Variants in HTR7 observed in about 807,000 individuals in gnomAD.
HTR7 encodes 5-HT-7.
HTR7 carries 16 observed loss-of-function variants against 34.0 expected under a neutral mutation model. The observed-to-expected ratio is 0.47, with a 90% CI of 0.32 to 0.71. The LOEUF is 0.71. Ranked by LOEUF, HTR7 falls within the 30% of genes least tolerant of loss-of-function variation. HTR7 has a pLI of 0.04. For synonymous variants in HTR7, 265 were observed against 260.2 expected (o/e 1.02, Z -0.18); for missense variants, 504 against 625.5 (o/e 0.81, Z 2.07).
intron 1 of HTR7, among the ~76,000 whole-genome samples, chr10:90,800,675 A>C (rs1589455423): frequency 6.6e-6 from 1 of 152,178 alleles, no homozygotes; most frequent in South Asian, 2.1e-4. Flanking sequence ...ATCTTACGTA[A>C]AATGTAGATT....
At chr10:90,785,829 T>A (rs1021941183) in intron 1 of HTR7, among the ~76,000 whole-genome samples, 2 of 152,212 alleles carry the variant, frequency 1.3e-5, no homozygotes, top group African/African-American at 4.8e-5. Flanking sequence ...ATGACAAGAA[T>A]TGGGCCAAGA....
chr10:90,742,308 G>T lies in HTR7; in HGVS notation c.*174C>A. On this transcript the variant is annotated 3_prime_UTR_variant, in exon 4 of 4. Transcript: ENST00000336152. ...TAGCACTGATCCACAGAAAAAAGGAGAAGTCACCATCTCCCTCATAAGATA... is the reference window on the plus strand; with the variant it reads ...TAGCACTGATCCACAGAAAAAAGGATAAGTCACCATCTCCCTCATAAGATA... 1 of 520,768 alleles carries T rather than the reference G, an allele frequency of 1.9e-6. No homozygotes were observed. The highest frequency in any genetic ancestry group is 3.4e-6 in the Non-Finnish European group (1 of 293,658). The allele number at this position is 520,768 out of a possible 1,614,324, so 32.3% of individuals were successfully genotyped here. A position where few individuals can be genotyped will look rare whatever the true frequency, so the allele number is the denominator to read the frequency against.
At chr10:90,787,504 A>C (rs537566919) in intron 1 of HTR7, among the ~76,000 whole-genome samples, 1 of 152,166 alleles carries the variant, frequency 6.6e-6, no homozygotes, top group African/African-American at 2.4e-5. Flanking sequence ...AAAAAATAAA[A>C]ATAAAAAAAA....
intron 1 of HTR7, among the ~76,000 whole-genome samples, chr10:90,829,042 G>A (rs9420571): frequency 0.59 from 89,333 of 152,032 alleles, 27,067 homozygotes; most frequent in African/African-American, 0.76. Context: ...TAAAAAGATC[G>A]TTCATCATGA....
At chr10:90,788,395 T>C (rs138462334) in intron 1 of HTR7, among the ~76,000 whole-genome samples, 82 of 152,288 alleles carry the variant, frequency 5.4e-4, no homozygotes, top group African/African-American at 1.5e-3. Context: ...CACAATACAA[T>C]AGGGATGATC....
intron 1 of HTR7, among the ~76,000 whole-genome samples, chr10:90,780,659 CAG>C (rs1408058067): frequency 6.6e-6 from 1 of 151,694 alleles, no homozygotes; most frequent in African/African-American, 2.4e-5. Flanking sequence ...TGCCAAGAAA[CAG>C]TGAGAGGCAC....
chr10:90,849,898 G>A (rs1362730532), intron 1 of HTR7, among the ~76,000 whole-genome samples: 1 of 152,132 alleles, frequency 6.6e-6, no homozygotes, highest in African/African-American at 2.4e-5. Context: ...AGGACTTCAG[G>A]GAACAAAATC....
At chr10:90,763,076 C>G (rs774134011) in intron 1 of HTR7, among the ~76,000 whole-genome samples, 25 of 152,226 alleles carry the variant, frequency 1.6e-4, no homozygotes, top group African/African-American at 6.0e-4. Flanking sequence ...TGTGATGCCT[C>G]GAGCTTTATT....
Position 90,793,183 on chromosome 10 carries a change from G to A in HTR7, c.540-43589C>T, listed in dbSNP as rs527961529. Among the ~76,000 whole-genome samples the A allele has an allele frequency of 4.6e-5, 7 of 151,956 alleles. 1 individual carries two copies. The highest frequency in any genetic ancestry group is 4.2e-4 in the South Asian group (2 of 4,806). ...AGAATTAATATCCAGAATATATTCC[G>A]GATAAGAACTTCTACAACTCAACAA... On this transcript the variant is annotated intron_variant, in intron 1 of 3. Transcript: ENST00000336152.
At chr10:90,743,870 G>A in intron 2 of HTR7, 180 bp from the exon 3 acceptor site, 1 of 714,814 alleles carries the variant, frequency 1.4e-6, no homozygotes, top group Non-Finnish European at 2.6e-6. Flanking sequence ...AGTATTCACA[G>A]CTTTTCCTCC....
rs1845125919 is a variant in HTR7 at position 90,772,169 on chromosome 10, T to G, written c.540-22575A>C. On this transcript the variant is annotated intron_variant, in intron 1 of 3. Coordinates refer to ENST00000336152, the MANE Select transcript of HTR7 (RefSeq NM_019859.4). Reference sequence around the variant, plus strand: ...ACCCTAGGTCATAGCAGCATAATTTTTACTCTTACTTAATACTTTCAAAAA... The same window carrying G: ...ACCCTAGGTCATAGCAGCATAATTTGTACTCTTACTTAATACTTTCAAAAA... 2.0e-5 allele frequency among the ~76,000 whole-genome samples: 3 copies of G among 152,120 alleles called. No individual in the cohort carries two copies. In the South Asian group the frequency reaches 6.2e-4, roughly 32 times the overall value.
intron 1 of HTR7, among the ~76,000 whole-genome samples, chr10:90,774,797 T>G (rs904923389): frequency 1.3e-5 from 2 of 152,218 alleles, no homozygotes; most frequent in African/African-American, 4.8e-5. Flanking sequence ...TGACAAACTT[T>G]CTTCATAAGC....
intron 1 of HTR7, among the ~76,000 whole-genome samples, chr10:90,788,886 C>CT (rs1261658205): frequency 6.6e-6 from 1 of 152,150 alleles, no homozygotes; most frequent in Non-Finnish European, 1.5e-5. Context: ...GTCTGCACTT[C>CT]TAGTCCCCAC....
intron 1 of HTR7, among the ~76,000 whole-genome samples, chr10:90,758,315 A>G (rs1034193136): frequency 1.1e-4 from 16 of 144,602 alleles, no homozygotes; most frequent in Admixed American, 3.5e-4. Flanking sequence ...ACTGCACTCC[A>G]GCCTGGGCGA....
At chr10:90,813,769 G>T (rs984920503) in intron 1 of HTR7, among the ~76,000 whole-genome samples, 1 of 152,078 alleles carries the variant, frequency 6.6e-6, no homozygotes, top group African/African-American at 2.4e-5. Flanking sequence ...CCTTCTCCTT[G>T]CCAAACCACA....
At chr10:90,836,843 T>G (rs1436301812) in intron 1 of HTR7, among the ~76,000 whole-genome samples, 1 of 152,170 alleles carries the variant, frequency 6.6e-6, no homozygotes, top group Non-Finnish European at 1.5e-5. Flanking sequence ...TCACATTAAC[T>G]CTACAGTGAT....
At chr10:90,813,210 T>C (rs1003876004) in intron 1 of HTR7, among the ~76,000 whole-genome samples, 3 of 152,222 alleles carry the variant, frequency 2.0e-5, no homozygotes, top group African/African-American at 7.2e-5. Flanking sequence ...AAAAGCTGTA[T>C]TGCTCACACA....
chr10:90,826,996 A>G (rs1266890965), intron 1 of HTR7, among the ~76,000 whole-genome samples: 3 of 151,856 alleles, frequency 2.0e-5, no homozygotes, highest in Non-Finnish European at 4.4e-5. Flanking sequence ...TGGGCTATAA[A>G]TTATTATTTG....
Position 90,741,455 on chromosome 10 carries a change from A to G in HTR7, c.*1027T>C, listed in dbSNP as rs753292592. 6.6e-6 allele frequency: 1 copy of G among 152,254 alleles called. No homozygotes were observed. Among genetic ancestry groups the G allele is most frequent in the Non-Finnish European group, 1.5e-5 (1 of 68,030 alleles). 9.4% of individuals were successfully genotyped at this position (152,254 alleles called of 1,614,324 possible). A position where few individuals can be genotyped will look rare whatever the true frequency, so the allele number is the denominator to read the frequency against. On this transcript the variant is annotated 3_prime_UTR_variant, in exon 4 of 4. Transcript: ENST00000336152. The stretch of plus-strand genomic sequence containing the variant: ...CAAAAACAAATTCTCTAGAAGGAAC[A>G]GACTGGTGTTCTGAAGCATTTCCCA...
Sources: gnomAD v4.1 joint callset for allele counts (sites outside exome capture counted in the v4.1 genomes callset) on GRCh38, gnomAD v4.1.1 for gene constraint, MANE v1.5 for transcripts, NCBI Gene and HGNC (gene_info 2026-07-23, HGNC 2026-07-21) for gene names.